Variants in PKHD1L1 observed in about 807,000 individuals in gnomAD.
PKHD1L1 encodes the protein PKHD1 like 1.
In PKHD1L1, 434 loss-of-function variants were observed where a neutral mutation model predicts 462.9. That is an observed-to-expected ratio of 0.94 (90% confidence interval 0.87 to 1.02). The LOEUF is 1.02. PKHD1L1 is among the 50% of genes least tolerant of loss of function. PKHD1L1 has a pLI of 0.00. For synonymous variants in PKHD1L1, 1,781 were observed against 1,750.0 expected (o/e 1.02, Z -0.44); for missense variants, 5,202 against 5,096.1 (o/e 1.02, Z -0.63).
At chr8:109,457,642 A>C (rs1816897701) in intron 46 of PKHD1L1, among the ~76,000 whole-genome samples, 2 of 152,156 alleles carry the variant, frequency 1.3e-5, no homozygotes, top group African/African-American at 4.8e-5. Context: ...TCTGTGCTTC[A>C]GTAAAATTGG....
chr8:109,451,283 A>G (rs1816482777), intron 41 of PKHD1L1, 134 bp downstream of exon 41: 1 of 926,772 alleles, frequency 1.1e-6, no homozygotes, highest in Admixed American at 3.4e-5. Context: ...CTTAAGCTTA[A>G]GGCAAAAATA....
chr8:109,431,808 C>T (rs564885290), intron 27 of PKHD1L1, among the ~76,000 whole-genome samples: 10 of 152,224 alleles, frequency 6.6e-5, no homozygotes, highest in East Asian at 3.9e-4. Context: ...CTATTGCATA[C>T]GTGTTAGAGC....
rs962552519 is a variant in PKHD1L1, at chr8:109,530,392, A to G, written c.*302A>G. The G allele has an allele frequency of 4.3e-5, 8 of 185,476 alleles. No homozygotes were observed. Among genetic ancestry groups the G allele is most frequent in the Admixed American group, 1.9e-4 (3 of 15,994 alleles). The allele number at this position is 185,476 out of a possible 1,614,324, so 11.5% of individuals were successfully genotyped here. On this transcript the variant is annotated 3_prime_UTR_variant, in exon 78 of 78. Coordinates refer to ENST00000378402, the MANE Select transcript of PKHD1L1 (RefSeq NM_177531.6). ...CAACAAATCATAGAATCCTTTAAATAATGGAAAGAGCTTGTCTAGTTCCGA... is the reference window on the plus strand; with the variant it reads ...CAACAAATCATAGAATCCTTTAAATGATGGAAAGAGCTTGTCTAGTTCCGA...
intron 59 of PKHD1L1, among the ~76,000 whole-genome samples, chr8:109,487,169 A>T (rs1818570087): frequency 6.6e-6 from 1 of 151,990 alleles, no homozygotes; most frequent in African/African-American, 2.4e-5. Context: ...AAACAGAGAA[A>T]ACAGTATAAT....
chr8:109,464,845 T>C lies in PKHD1L1; in HGVS notation c.8013T>C (p.His2671=), dbSNP rs767633311. ...TCAATGGAGGTGCCCTTCAGTTCCA[T>C]AACTTTGTGATGGTGAATAACTATG... ...EWVNGGALQF[H]NFVMVNNYEA... The change falls in exon 49 of 78, where the codon CAT becomes CAC. Residue 2671 remains histidine, a synonymous_variant. Transcript: ENST00000378402. The C allele has an allele frequency of 1.2e-5, 20 of 1,613,728 alleles. No homozygotes were observed. The highest frequency in any genetic ancestry group is 5.3e-5 in the African/African-American group (4 of 74,922).
chr8:109,532,213 G>T lies in PKHD1L1; in HGVS notation c.*2123G>T, dbSNP rs1040713947. On this transcript the variant is annotated 3_prime_UTR_variant, in exon 78 of 78. Coordinates refer to ENST00000378402, the MANE Select transcript of PKHD1L1 (RefSeq NM_177531.6). ...TAATACAAGTTATATGGCAGTAAAA[G>T]GAATTTCTAAAAATTGCTTCTTAGC... Among the ~76,000 whole-genome samples, 1 of 142,278 alleles carries T rather than the reference G, an allele frequency of 7.0e-6. No individual in the cohort carries two copies. The highest frequency in any genetic ancestry group is 1.5e-5 in the Non-Finnish European group (1 of 65,094). The allele number at this position is 142,278 out of a possible 152,430, so 93.3% of individuals were successfully genotyped here.
chr8:109,416,472 T>C (rs760006544), intron 21 of PKHD1L1, among the ~76,000 whole-genome samples: 10 of 152,238 alleles, frequency 6.6e-5, no homozygotes, highest in Non-Finnish European at 1.3e-4. Context: ...CCATGAACAC[T>C]GAATATATTT....
intron 2 of PKHD1L1, among the ~76,000 whole-genome samples, chr8:109,370,451 C>G (rs1482447905): frequency 1.3e-5 from 2 of 151,648 alleles, no homozygotes; most frequent in East Asian, 1.9e-4. Flanking sequence ...AATGATGAAC[C>G]TAAATCTCAG....
In PKHD1L1 at chr8:109,442,064, C is replaced by G. The variant is rs748215728; in HGVS notation, c.4262C>G (p.Thr1421Arg). Reference protein sequence around the residue: ...PPVLNVSVGDTVAWHWQTHPF... With the variant: ...PPVLNVSVGDRVAWHWQTHPF... ...GTCCTAAATGTGTCTGTGGGGGACA[C>G]AGTGGCATGGCATTGGCAAACACAT... The change falls in exon 35 of 78, where the codon ACA (threonine) becomes AGA (arginine). Residue 1421 changes from threonine (T) to arginine (R), a missense_variant. By Grantham distance (71) the Thr-to-Arg change is moderately conservative. Coordinates refer to ENST00000378402, the MANE Select transcript of PKHD1L1 (RefSeq NM_177531.6). 8 of 1,613,386 alleles carry G rather than the reference C, an allele frequency of 5.0e-6. No individual in the cohort carries two copies. The South Asian group carries it at 7.7e-5, about 16-fold the overall frequency.
intron 71 of PKHD1L1, among the ~76,000 whole-genome samples, chr8:109,514,194 T>G (rs545410503): frequency 6.2e-4 from 94 of 152,232 alleles, no homozygotes; most frequent in African/African-American, 2.2e-3. Flanking sequence ...TAAAACATTC[T>G]TCCCTAAGTG....
chr8:109,420,997 T>G (rs1386727318), intron 23 of PKHD1L1, among the ~76,000 whole-genome samples: 1 of 152,052 alleles, frequency 6.6e-6, no homozygotes, highest in African/African-American at 2.4e-5. Context: ...ACAGATATTA[T>G]TGAGAGAAAA....
chr8:109,440,775 C>T lies in PKHD1L1; in HGVS notation c.4022C>T (p.Ser1341Phe), dbSNP rs267601715. The T allele has an allele frequency of 6.2e-7, 1 of 1,613,044 alleles. No individual in the cohort carries two copies. The highest frequency in any genetic ancestry group is 8.5e-7 in the Non-Finnish European group (1 of 1,179,274). Reference protein sequence around the residue: ...EVTSMFPQRGSLFGGTEITIR... With the variant: ...EVTSMFPQRGFLFGGTEITIR... ...ACCAGCATGTTTCCACAAAGAGGCT[C>T]CTTGTTTGGTGGAACTGAAATCACC... The change falls in exon 33 of 78, where the codon TCC becomes TTC. Residue 1341 changes from serine (S) to phenylalanine (F), a missense_variant. Physicochemically the swap from Ser to Phe is radical, Grantham distance 155 (BLOSUM62 -2). Coordinates refer to ENST00000378402, the MANE Select transcript of PKHD1L1 (RefSeq NM_177531.6).
At chr8:109,371,357 A>G (rs922515966) in intron 2 of PKHD1L1, among the ~76,000 whole-genome samples, 1 of 151,192 alleles carries the variant, frequency 6.6e-6, no homozygotes, top group Non-Finnish European at 1.5e-5. Flanking sequence ...GGTTGTTTGT[A>G]TTTTTCTTGT....
At position 109,534,798 on chromosome 8, in the gene PKHD1L1, C is replaced by T. The variant is rs1004422162; in HGVS notation, c.*4708C>T. 6.6e-6 allele frequency among the ~76,000 whole-genome samples: 1 copy of T among 152,162 alleles called. No homozygotes were observed. Among genetic ancestry groups the T allele is most frequent in the African/African-American group, 2.4e-5 (1 of 41,428 alleles). ...CCTCTTGTTGCCGTACTTGCAAGTC[C>T]TAATACAGTACTGTAGTTATTATAA... On this transcript the variant is annotated 3_prime_UTR_variant, in exon 78 of 78. Transcript: ENST00000378402.
At position 109,490,845 on chromosome 8, in the gene PKHD1L1, T is replaced by A. The variant is rs1445854899; in HGVS notation, c.9985-127T>A. 4 of 795,698 alleles carry A rather than the reference T, an allele frequency of 5.0e-6. No homozygotes were observed. The East Asian group carries it at 1.2e-4, about 24-fold the overall frequency. The allele number at this position is 795,698 out of a possible 1,614,324, so 49.3% of individuals were successfully genotyped here. ...TAAAGACTTATGGAGAAATCATCTT[T>A]AAGAGAAAGTGAATTGAGTATTGAT... On this transcript the variant is annotated intron_variant, in intron 60 of 77. Transcript: ENST00000378402.
chr8:109,441,311 A>G lies in PKHD1L1; in HGVS notation c.4136A>G (p.Asn1379Ser). ...IPCNVTSSSE[N>S]VIKCILHSTG... ...TGCAATGTTACATCATCATCAGAAA[A>G]TGTCATAAAATGTATTCTTCATTCA... The change falls in exon 34 of 78, where the codon AAT (asparagine) becomes AGT (serine). Residue 1379 changes from asparagine (N) to serine (S), a missense_variant. Around this residue, in one of 3 missense-constraint regions of PKHD1L1, gnomAD observed 4,497 missense variants for 4,336.8 expected, o/e 1.04. Coordinates refer to ENST00000378402, the MANE Select transcript of PKHD1L1 (RefSeq NM_177531.6). 3.8e-6 allele frequency: 6 copies of G among 1,588,256 alleles called. No individual in the cohort carries two copies. The highest frequency in any genetic ancestry group is 1.1e-5 in the South Asian group (1 of 87,770).
At chr8:109,462,027 A>G (rs1406953705) in intron 48 of PKHD1L1, 119 bp downstream of exon 48, 3 of 1,222,018 alleles carry the variant, frequency 2.5e-6, no homozygotes, top group Non-Finnish European at 3.3e-6. Context: ...AGACAGATAC[A>G]TAAGTAAACA....
At chr8:109,450,226 T>C (rs1205389506) in intron 40 of PKHD1L1, among the ~76,000 whole-genome samples, 2 of 152,136 alleles carry the variant, frequency 1.3e-5, no homozygotes, top group Non-Finnish European at 1.5e-5. Context: ...ATTTGGTACT[T>C]TGGACAACAA....
chr8:109,489,971 T>C lies in PKHD1L1; in HGVS notation c.9900T>C (p.Asn3300=), dbSNP rs1466255304. The change falls in exon 60 of 78, where the codon AAT becomes AAC. Residue 3300 remains asparagine, a synonymous_variant. Transcript: ENST00000378402. ...MTFKGNARIS[N]VEFYHSGQEG... Reference sequence around the variant, plus strand: ...CCTTAGGAAATGCAAGAATAAGTAATGTGGAATTTTATCACAGTGGTCAAG... The same window carrying C: ...CCTTAGGAAATGCAAGAATAAGTAACGTGGAATTTTATCACAGTGGTCAAG... The C allele has an allele frequency of 1.2e-6, 2 of 1,602,664 alleles. No homozygotes were observed. The highest frequency in any genetic ancestry group is 1.3e-5 in the African/African-American group (1 of 74,628).
Sources: gnomAD v4.1 joint callset for allele counts (sites outside exome capture counted in the v4.1 genomes callset) on GRCh38, gnomAD v4.1.1 for gene constraint, gnomAD v4.1.1 regional missense constraint, MANE v1.5 for transcripts, NCBI Gene and HGNC (gene_info 2026-07-23, HGNC 2026-07-21) for gene names.